Variants in CHCHD3 observed in about 807,000 individuals in gnomAD.
CHCHD3 encodes the protein MICOS complex subunit MIC19.
In CHCHD3, 20 loss-of-function variants were observed where a neutral mutation model predicts 38.2. That is an observed-to-expected ratio of 0.52 (90% CI 0.37 to 0.76). CHCHD3 has a LOEUF of 0.76. Among genes scored for constraint, CHCHD3 ranks in the 30% least tolerant of loss-of-function variants. The pLI, the probability that CHCHD3 is intolerant of heterozygous loss-of-function variation, is 0.00. For synonymous variants in CHCHD3, 82 were observed against 100.0 expected (o/e 0.82, Z 1.07); for missense variants, 245 against 279.2 (o/e 0.88, Z 0.87).
chr7:133,033,304 C>A (rs1419865196), intron 2 of CHCHD3, among the ~76,000 whole-genome samples: 1 of 152,160 alleles, frequency 6.6e-6, no homozygotes, highest in Non-Finnish European at 1.5e-5. Context: ...CTCCATGAAT[C>A]TCTGATGGGA....
intron 4 of CHCHD3, among the ~76,000 whole-genome samples, chr7:132,942,337 T>A (rs899023894): frequency 6.6e-6 from 1 of 152,160 alleles, no homozygotes; most frequent in African/African-American, 2.4e-5. Context: ...TAATGGAGTA[T>A]AAAATATATT....
intron 4 of CHCHD3, among the ~76,000 whole-genome samples, chr7:132,892,014 T>G (rs1475679240): frequency 6.6e-6 from 1 of 152,218 alleles, no homozygotes; most frequent in Non-Finnish European, 1.5e-5. Context: ...TAACTACTCT[T>G]GGGTAGTATC....
chr7:133,062,868 G>A (rs1428426986), intron 2 of CHCHD3, among the ~76,000 whole-genome samples: 1 of 151,928 alleles, frequency 6.6e-6, no homozygotes, highest in Non-Finnish European at 1.5e-5. Flanking sequence ...CAGTAACAAG[G>A]GCAGGGACCT....
chr7:132,985,409 T>C (rs1481423654), intron 3 of CHCHD3, among the ~76,000 whole-genome samples: 231 of 34,990 alleles, frequency 6.6e-3, no homozygotes, highest in Admixed American at 9.3e-3. Flanking sequence ...CCAGCCGCCC[T>C]ATCCGGGAGG....
At chr7:133,039,324 A>G (rs1205704101) in intron 2 of CHCHD3, among the ~76,000 whole-genome samples, 1 of 152,212 alleles carries the variant, frequency 6.6e-6, no homozygotes, top group Non-Finnish European at 1.5e-5. Flanking sequence ...CTTGAGTTTA[A>G]TCATCTTATT....
intron 4 of CHCHD3, among the ~76,000 whole-genome samples, chr7:132,889,418 G>A (rs537796567): frequency 7.2e-4 from 110 of 152,098 alleles, no homozygotes; most frequent in Middle Eastern, 3.4e-3. Context: ...TGAGGACACC[G>A]CATCAATCAA....
At chr7:132,946,797 G>A (rs1810913781) in intron 4 of CHCHD3, among the ~76,000 whole-genome samples, 1 of 151,782 alleles carries the variant, frequency 6.6e-6, no homozygotes, top group South Asian at 2.1e-4. Context: ...GAATAAATGA[G>A]CGAATTATAT....
In CHCHD3 at chr7:132,983,005, A is replaced by G. The variant is rs1009729978; in HGVS notation, c.252-7719T>C. ...GTCAGTTTTATCATTCACTATCATA[A>G]AATATATACGAATCTATTATTAAAA... is the stretch of plus-strand genomic sequence containing the variant. On this transcript the variant is annotated intron_variant, in intron 3 of 7. Transcript: ENST00000262570. 2.0e-5 allele frequency among the ~76,000 whole-genome samples: 3 copies of G among 152,158 alleles called. No homozygotes were observed. In the South Asian group the frequency reaches 6.2e-4, roughly 32 times the overall value.
chr7:132,858,657 T>C (rs1173937655), intron 5 of CHCHD3, among the ~76,000 whole-genome samples: 2 of 152,198 alleles, frequency 1.3e-5, no homozygotes, highest in Non-Finnish European at 2.9e-5. Context: ...TCTGAGAGTT[T>C]GTATGTTAGA....
chr7:132,963,153 A>T (rs932733115), intron 4 of CHCHD3, among the ~76,000 whole-genome samples: 93 of 146,416 alleles, frequency 6.4e-4, no homozygotes, highest in South Asian at 8.6e-4. Flanking sequence ...AATAAAAAAA[A>T]AAATATATAT....
chr7:132,811,701 T>C (rs1316073274), intron 6 of CHCHD3, among the ~76,000 whole-genome samples: 1 of 152,192 alleles, frequency 6.6e-6, no homozygotes, highest in Non-Finnish European at 1.5e-5. Context: ...TTCCAGTAAA[T>C]TGCCCCTTTC....
intron 6 of CHCHD3, among the ~76,000 whole-genome samples, chr7:132,798,792 T>A (rs1806688236): frequency 6.6e-6 from 1 of 152,168 alleles, no homozygotes; most frequent in African/African-American, 2.4e-5. Context: ...TTAAAAAGTC[T>A]ACTCACGATG....
intron 6 of CHCHD3, among the ~76,000 whole-genome samples, chr7:132,816,793 G>T (rs1241632593): frequency 6.6e-6 from 1 of 152,212 alleles, no homozygotes; most frequent in African/African-American, 2.4e-5. Flanking sequence ...TCTGCTACCA[G>T]TGATAACTAA....
At chr7:132,986,507 C>T (rs926505412) in intron 3 of CHCHD3, among the ~76,000 whole-genome samples, 7 of 151,032 alleles carry the variant, frequency 4.6e-5, no homozygotes, top group African/African-American at 1.5e-4. Context: ...GACTCTAATG[C>T]GATTTGAGGA....
chr7:132,965,059 A>ATGTGTGTGTGTGTG (rs5887603), intron 4 of CHCHD3, among the ~76,000 whole-genome samples: 3,715 of 148,488 alleles, frequency 0.025, 64 homozygotes, highest in African/African-American at 0.045. Flanking sequence ...TATGGGTTTT[A>ATGTGTGTGTGTGTG]TGTGTGTGTG....
chr7:132,893,070 G>T (rs955519431), intron 4 of CHCHD3, among the ~76,000 whole-genome samples: 2 of 152,184 alleles, frequency 1.3e-5, no homozygotes, highest in Admixed American at 6.5e-5. Context: ...ACCCCAGAAT[G>T]GTAGATCCAC....
At chr7:132,841,980 C>T (rs1032697553) in intron 5 of CHCHD3, among the ~76,000 whole-genome samples, 2 of 152,066 alleles carry the variant, frequency 1.3e-5, no homozygotes, top group Non-Finnish European at 2.9e-5. Flanking sequence ...TGCCTGTAAT[C>T]CCAGCTACTC....
intron 3 of CHCHD3, among the ~76,000 whole-genome samples, chr7:132,980,097 C>A (rs973869628): frequency 6.6e-6 from 1 of 152,154 alleles, no homozygotes; most frequent in African/African-American, 2.4e-5. Context: ...ACCAATTTTT[C>A]TCTTTTTGAA....
At chr7:132,975,413 C>T in intron 3 of CHCHD3, 127 bp from the exon 4 acceptor site, 2 of 722,096 alleles carry the variant, frequency 2.8e-6, no homozygotes, top group Non-Finnish European at 2.2e-6. Context: ...ATCATCTTGG[C>T]CCATAATCTA....
Sources: allele counts gnomAD v4.1 joint callset (sites outside exome capture counted in the v4.1 genomes callset), GRCh38; gene constraint gnomAD v4.1.1; transcripts MANE v1.5; gene names NCBI Gene and HGNC (gene_info 2026-07-23, HGNC 2026-07-21).